Variants in TTC7B observed in about 807,000 individuals in gnomAD.
TTC7B encodes tetratricopeptide repeat protein 7B.
Under a neutral mutation model 106.8 loss-of-function variants are expected in TTC7B, and 28 were observed. The observed-to-expected ratio is 0.26, with a 90% CI of 0.19 to 0.36. The LOEUF is 0.36. Ranked by LOEUF, TTC7B falls within the 10% of genes least tolerant of loss-of-function variation. The probability of loss-of-function intolerance (pLI) is 1.00; values close to 1 mark genes in which losing one functional copy is unlikely to be tolerated. For missense variants in TTC7B, 862 were observed against 1,076.4 expected, an observed-to-expected ratio of 0.80 and a Z score of 2.79; for synonymous variants, 405 against 430.6, an observed-to-expected ratio of 0.94 and a Z score of 0.74.
In TTC7B at chr14:90,744,925, T is replaced by TA. The variant is rs1889904005; in HGVS notation, c.446-4dup. 2 of 1,611,424 alleles carry TA rather than the reference T, an allele frequency of 1.2e-6. No individual in the cohort carries two copies. The highest frequency in any genetic ancestry group is 1.1e-5 in the South Asian group (1 of 90,522). On this transcript the variant is annotated splice_region_variant and splice_polypyrimidine_tract_variant and intron_variant, in intron 3 of 19. Coordinates refer to ENST00000328459, the MANE Select transcript of TTC7B (RefSeq NM_001010854.2). The stretch of plus-strand genomic sequence containing the variant: ...AGGCAGCTTCTCCAAACAAAGTCCT[T>TA]AAAAAAATATCAGACACAAAAACTG...
chr14:90,657,435 A>G lies in TTC7B; in HGVS notation c.1237-157T>C. On this transcript the variant is annotated intron_variant, in intron 10 of 19. Transcript: ENST00000328459. The surrounding 1 kb of genome is among the most constrained non-coding windows in gnomAD (Gnocchi z 4.2). ...GGGGCCTGAGGTGCATGAAAACCAGAGCCTGCGGCTTCTGAGTGACTGGGG... is the reference window on the plus strand; with the variant it reads ...GGGGCCTGAGGTGCATGAAAACCAGGGCCTGCGGCTTCTGAGTGACTGGGG... The G allele has an allele frequency of 1.6e-6, 1 of 609,442 alleles. No individual in the cohort carries two copies. Among genetic ancestry groups the G allele is most frequent in the Non-Finnish European group, 2.8e-6 (1 of 352,294 alleles). The allele number at this position is 609,442 out of a possible 1,614,324, so 37.8% of individuals were successfully genotyped here. A position where few individuals can be genotyped will look rare whatever the true frequency, so the allele number is the denominator to read the frequency against.
intron 5 of TTC7B, among the ~76,000 whole-genome samples, chr14:90,704,027 G>T (rs1052383867): frequency 1.2e-4 from 19 of 152,216 alleles, no homozygotes; most frequent in Non-Finnish European, 2.1e-4. Context: ...AGTACCAGAT[G>T]CCAGGCATGC....
intron 9 of TTC7B, among the ~76,000 whole-genome samples, chr14:90,662,403 A>AG (rs2139906456): frequency 6.6e-6 from 1 of 152,308 alleles, no homozygotes; most frequent in African/African-American, 2.4e-5. Context: ...TGGATAAGTT[A>AG]CTTTTCTGCT....
At position 90,540,568 on chromosome 14, in the gene TTC7B, C is replaced by G. The variant is rs548184616; in HGVS notation, c.*800G>C. 6.5e-6 allele frequency: 1 copy of G among 153,770 alleles called. No homozygotes were observed. The highest frequency in any genetic ancestry group is 1.5e-5 in the Non-Finnish European group (1 of 68,068). The allele number at this position is 153,770 out of a possible 1,614,324, so 9.5% of individuals were successfully genotyped here. ...CCTTTCTCAGGTCTTTGAGCTTTTA[C>G]GAATGACACAGGCTATGAGTCCATT... is the stretch of plus-strand genomic sequence containing the variant. On this transcript the variant is annotated 3_prime_UTR_variant, in exon 20 of 20. Coordinates refer to ENST00000328459, the MANE Select transcript of TTC7B (RefSeq NM_001010854.2).
At chr14:90,562,923 A>G (rs1417893785) in intron 19 of TTC7B, among the ~76,000 whole-genome samples, 1 of 152,184 alleles carries the variant, frequency 6.6e-6, no homozygotes, top group African/African-American at 2.4e-5. Flanking sequence ...CTTGGCCCAC[A>G]AACCACGAGC....
Position 90,689,655 on chromosome 14 carries a change from A to G in TTC7B, c.835T>C (p.Trp279Arg). The G allele has an allele frequency of 1.2e-6, 2 of 1,614,206 alleles. No individual in the cohort carries two copies. The highest frequency in any genetic ancestry group is 1.7e-6 in the Non-Finnish European group (2 of 1,180,028). The change falls in exon 7 of 20, where the codon TGG becomes CGG. Residue 279 changes from tryptophan (W) to arginine (R), a missense_variant. Physicochemically the swap from Trp to Arg is moderately radical, Grantham distance 101. Coordinates refer to ENST00000328459, the MANE Select transcript of TTC7B (RefSeq NM_001010854.2). ...LLRGMCEQSY[W>R]NPLEDPPCQS... The stretch of plus-strand genomic sequence containing the variant: ...CACGGTGGATCCTCCAGAGGGTTCC[A>G]GTAGCTCTGCTCACACATACCCCGC...
intron 19 of TTC7B, among the ~76,000 whole-genome samples, chr14:90,541,970 C>T (rs549595014): frequency 6.6e-6 from 1 of 152,184 alleles, no homozygotes; most frequent in East Asian, 1.9e-4. Flanking sequence ...GATGGAGTCT[C>T]GCTCTGTCAT....
rs1021777507 is a variant in TTC7B, at chr14:90,621,381, C to T, written c.1752-3336G>A. 2.7e-3 allele frequency among the ~76,000 whole-genome samples: 410 copies of T among 149,828 alleles called. 2 individuals carry two copies. Among genetic ancestry groups the T allele is most frequent in the Non-Finnish European group, 3.5e-3 (238 of 67,496 alleles). ...ACGATGGGCAGAGGCCACGCGGGTA[C>T]GGCCGGGACGATGGGCAGAGGCCAC... On this transcript the variant is annotated intron_variant, in intron 15 of 19. Coordinates refer to ENST00000328459, the MANE Select transcript of TTC7B (RefSeq NM_001010854.2).
rs543447220 is a variant in TTC7B, at chr14:90,559,524, G to T, written c.2311-17935C>A. 3.9e-4 allele frequency among the ~76,000 whole-genome samples: 60 copies of T among 152,286 alleles called. 1 individual carries two copies. Among genetic ancestry groups the T allele is most frequent in the Admixed American group, 6.5e-4 (10 of 15,302 alleles). On this transcript the variant is annotated intron_variant, in intron 19 of 19. Transcript: ENST00000328459. ...TGGCTCTCAGATTGGGACACTAGGT[G>T]GAAAAGTAGGCCCTTTCCTTCTCTA...
At chr14:90,602,831 T>C (rs966136250) in intron 17 of TTC7B, among the ~76,000 whole-genome samples, 19 of 152,232 alleles carry the variant, frequency 1.2e-4, no homozygotes, top group African/African-American at 3.9e-4. Flanking sequence ...ATTGCTCTCC[T>C]ATGCAACAAT....
chr14:90,657,297 T>C lies in TTC7B; in HGVS notation c.1237-19A>G. ...GGGCAGACTTGGCAAGAGAAGATTA[T>C]TTCCGTGAAACTCAAAGTGTTTGAC... is the stretch of plus-strand genomic sequence containing the variant. On this transcript the variant is annotated intron_variant, in intron 10 of 19. Transcript: ENST00000328459. This position sits in a 1 kb window ranked among gnomAD's most constrained non-coding sequence, Gnocchi z 4.2. 6.2e-7 allele frequency: 1 copy of C among 1,611,226 alleles called. No individual in the cohort carries two copies.
rs1885979806 is a variant in TTC7B at position 90,657,114 on chromosome 14, A to G, written c.1341+60T>C. The G allele has an allele frequency of 2.1e-6, 3 of 1,409,488 alleles. No individual in the cohort carries two copies. Among genetic ancestry groups the G allele is most frequent in the Non-Finnish European group, 3.0e-6 (3 of 1,007,676 alleles). 87.3% of individuals were successfully genotyped at this position (1,409,488 alleles called of 1,614,324 possible). ...TCTCTCTGTGCCTCGACATGAAAAA[A>G]ATGGGCAGTCCTGGCCCAGAGTCCT... On this transcript the variant is annotated intron_variant, in intron 11 of 19. Coordinates refer to ENST00000328459, the MANE Select transcript of TTC7B (RefSeq NM_001010854.2). The surrounding 1 kb of genome is among the most constrained non-coding windows in gnomAD (Gnocchi z 4.2).
At chr14:90,689,834 T>C in intron 6 of TTC7B, 122 bp from the exon 7 acceptor site, 1 of 1,159,992 alleles carries the variant, frequency 8.6e-7, no homozygotes, top group Non-Finnish European at 1.2e-6. Context: ...GGCTCATAAT[T>C]AAAAATTTTT....
chr14:90,815,953 G>T (rs2031150515), intron 1 of TTC7B, among the ~76,000 whole-genome samples: 1 of 151,434 alleles, frequency 6.6e-6, no homozygotes, highest in Admixed American at 6.6e-5. Flanking sequence ...AACCCCAGGC[G>T]CCGGGACAGC....
intron 5 of TTC7B, among the ~76,000 whole-genome samples, chr14:90,724,541 G>A (rs1240312187): frequency 6.6e-6 from 1 of 152,164 alleles, no homozygotes; most frequent in Non-Finnish European, 1.5e-5. Flanking sequence ...CATGCGAACT[G>A]TTCGTTTAAA....
intron 4 of TTC7B, among the ~76,000 whole-genome samples, chr14:90,738,785 A>G (rs74729734): frequency 0.05 from 7,547 of 152,290 alleles, 220 homozygotes; most frequent in Non-Finnish European, 0.061. Flanking sequence ...CAGCTTATAC[A>G]CAACAATACG....
Position 90,598,361 on chromosome 14 carries a change from G to A in TTC7B, c.1967-4735C>T, listed in dbSNP as rs557568451. Reference sequence around the variant, plus strand: ...TGCCCTCCCACCTAGATCCTCAATCGAAAATGTTATCTTGGACACCTGATA... The same window carrying A: ...TGCCCTCCCACCTAGATCCTCAATCAAAAATGTTATCTTGGACACCTGATA... On this transcript the variant is annotated intron_variant, in intron 17 of 19. Coordinates refer to ENST00000328459, the MANE Select transcript of TTC7B (RefSeq NM_001010854.2). Among the ~76,000 whole-genome samples the A allele has an allele frequency of 5.3e-5, 8 of 152,272 alleles. No individual in the cohort carries two copies. The South Asian group carries it at 1.5e-3, about 28-fold the overall frequency.
At position 90,802,080 on chromosome 14, in the gene TTC7B, AAAAG is replaced by A. The variant is rs1156733640; in HGVS notation, c.121+14091_121+14094del. ...TCCATCTCAGGAAGGAAAAAAAAAA[AAAAG>A]AAAGAAAGAAAGCAGCTGGAACATC... On this transcript the variant is annotated intron_variant, in intron 1 of 19. Coordinates refer to ENST00000328459, the MANE Select transcript of TTC7B (RefSeq NM_001010854.2). The surrounding 1 kb of genome is among the most constrained non-coding windows in gnomAD (Gnocchi z 4.7). Among the ~76,000 whole-genome samples, 19 of 152,128 alleles carry A rather than the reference AAAAG, an allele frequency of 1.2e-4. No individual in the cohort carries two copies. The South Asian group carries it at 2.3e-3, about 18-fold the overall frequency.
At chr14:90,762,617 T>C (rs1890536906) in intron 3 of TTC7B, among the ~76,000 whole-genome samples, 1 of 152,216 alleles carries the variant, frequency 6.6e-6, no homozygotes, top group Admixed American at 6.5e-5. Flanking sequence ...ATTGCAAATA[T>C]AGGAAGTATT....
Sources: gnomAD v4.1 joint callset for allele counts (sites outside exome capture counted in the v4.1 genomes callset) on GRCh38, gnomAD v4.1.1 for gene constraint, Gnocchi (gnomAD v3.1) non-coding constraint, MANE v1.5 for transcripts, NCBI Gene and HGNC (gene_info 2026-07-23, HGNC 2026-07-21) for gene names.